WDR70: variants seen among roughly 807,000 people sequenced by gnomAD.
The protein encoded by WDR70 is WD repeat domain 70, also known as WD repeat-containing protein 70.
A neutral mutation model predicts 88.6 loss-of-function variants in WDR70; 53 were observed. That is an observed-to-expected ratio of 0.60 (90% CI 0.48 to 0.75). The LOEUF (loss-of-function observed/expected upper bound fraction) is 0.75, where lower values mean the gene tolerates loss of function less well. WDR70 is among the 30% of genes least tolerant of loss of function. The pLI is 0.00. For synonymous variants in WDR70, 280 were observed against 270.0 expected, an observed-to-expected ratio of 1.04 and a Z score of -0.36; for missense variants, 610 against 823.2, an observed-to-expected ratio of 0.74 and a Z score of 3.17.
intron 9 of WDR70, among the ~76,000 whole-genome samples, chr5:37,574,101 G>A (rs1742988023): frequency 6.6e-6 from 1 of 152,166 alleles, no homozygotes; most frequent in Non-Finnish European, 1.5e-5. Flanking sequence ...GTGGAAGCAG[G>A]ATTGGGTAGG....
At chr5:37,687,369 A>T (rs1329837252) in intron 10 of WDR70, among the ~76,000 whole-genome samples, 1 of 152,180 alleles carries the variant, frequency 6.6e-6, no homozygotes. Flanking sequence ...GACAAAATGA[A>T]TTAATTTTGA....
In WDR70 at chr5:37,396,562, G is replaced by A; in HGVS notation, c.484G>A (p.Glu162Lys). Residue 162 changes from glutamate (E) to lysine (K), a missense_variant, in exon 5 of 18, where the codon GAA (glutamate) becomes AAA (lysine). Physicochemically the swap from Glu to Lys is moderately conservative, Grantham distance 56 (BLOSUM62 1). Coordinates refer to ENST00000265107, the MANE Select transcript of WDR70 (RefSeq NM_018034.4). ...EAEEEEEEEE[E>K]EENPVHKIPD... ...AGAGGAAGAAGAAGAGGAAGAGGAG[G>A]AAGAGGAAGTAAGTATTTCAGTGGT... 1.9e-6 allele frequency: 3 copies of A among 1,610,040 alleles called. No homozygotes were observed. The South Asian group carries it at 3.3e-5, about 18-fold the overall frequency.
At chr5:37,465,504 T>C (rs1417368220) in intron 7 of WDR70, among the ~76,000 whole-genome samples, 1 of 152,200 alleles carries the variant, frequency 6.6e-6, no homozygotes, top group Non-Finnish European at 1.5e-5. Flanking sequence ...AGTTTCTAGC[T>C]AGTAGTAGCT....
chr5:37,623,819 G>C (rs1415576427), intron 10 of WDR70, among the ~76,000 whole-genome samples: 2 of 152,064 alleles, frequency 1.3e-5, no homozygotes, highest in African/African-American at 2.4e-5. Flanking sequence ...CTGGTACTTT[G>C]TTGAAGGTCA....
chr5:37,581,012 G>A (rs751710469), intron 9 of WDR70, among the ~76,000 whole-genome samples: 9 of 152,172 alleles, frequency 5.9e-5, no homozygotes, highest in African/African-American at 1.2e-4. Context: ...CTTGCTGCTC[G>A]TGAGAAGTTA....
At chr5:37,495,296 G>A (rs755662207) in intron 8 of WDR70, among the ~76,000 whole-genome samples, 4 of 152,080 alleles carry the variant, frequency 2.6e-5, no homozygotes, top group African/African-American at 9.7e-5. Context: ...CTTCTTGGGG[G>A]TAGGCTTTGT....
chr5:37,627,320 A>G (rs1020876298), intron 10 of WDR70, among the ~76,000 whole-genome samples: 3 of 152,116 alleles, frequency 2.0e-5, no homozygotes, highest in Non-Finnish European at 2.9e-5. Context: ...GAACGTTTCC[A>G]TAGTTCTCAA....
intron 9 of WDR70, among the ~76,000 whole-genome samples, chr5:37,544,754 G>A (rs1741934990): frequency 6.6e-6 from 1 of 152,168 alleles, no homozygotes; most frequent in Admixed American, 6.5e-5. Context: ...TTTAAAACTA[G>A]CCTTGGATTC....
intron 9 of WDR70, among the ~76,000 whole-genome samples, chr5:37,574,651 G>A (rs1299382834): frequency 6.6e-6 from 1 of 152,118 alleles, no homozygotes; most frequent in East Asian, 1.9e-4. Context: ...TAGCCTGCTG[G>A]TTAACTACTC....
intron 10 of WDR70, among the ~76,000 whole-genome samples, chr5:37,646,854 A>T (rs1745254257): frequency 1.3e-5 from 2 of 151,946 alleles, no homozygotes; most frequent in South Asian, 4.1e-4. Flanking sequence ...TTTAGGTTAA[A>T]TCTGCTTGTT....
chr5:37,521,731 CA>C (rs1741097963), intron 9 of WDR70, among the ~76,000 whole-genome samples: 6 of 152,078 alleles, frequency 3.9e-5, no homozygotes, highest in East Asian at 1.9e-4. Context: ...CACACACACA[CA>C]CACACACACC....
chr5:37,406,737 A>G (rs757978754), intron 5 of WDR70, among the ~76,000 whole-genome samples: 22 of 148,500 alleles, frequency 1.5e-4, no homozygotes, highest in Non-Finnish European at 4.4e-5. Flanking sequence ...TTAACAGGAT[A>G]TCTAATAAAA....
intron 9 of WDR70, among the ~76,000 whole-genome samples, chr5:37,601,495 A>G (rs923076443): frequency 3.9e-5 from 6 of 152,122 alleles, no homozygotes; most frequent in African/African-American, 1.4e-4. Flanking sequence ...TTTTTATAGT[A>G]TCCTTGTCTG....
intron 8 of WDR70, among the ~76,000 whole-genome samples, chr5:37,499,321 C>G (rs1166688165): frequency 6.6e-6 from 1 of 151,804 alleles, no homozygotes; most frequent in Non-Finnish European, 1.5e-5. Flanking sequence ...ACCATGTTGG[C>G]CAGGCTGGTC....
intron 10 of WDR70, among the ~76,000 whole-genome samples, chr5:37,608,838 C>T (rs530965130): frequency 1.3e-5 from 2 of 152,148 alleles, no homozygotes; most frequent in South Asian, 2.1e-4. Flanking sequence ...GTATGACAGG[C>T]GTGAGCCACT....
chr5:37,542,561 G>A (rs954118936), intron 9 of WDR70, among the ~76,000 whole-genome samples: 2 of 152,094 alleles, frequency 1.3e-5, no homozygotes, highest in Admixed American at 1.3e-4. Context: ...GATTCCAGGT[G>A]TGAGCCAATG....
At chr5:37,648,594 T>G (rs546770362) in intron 10 of WDR70, among the ~76,000 whole-genome samples, 1 of 152,100 alleles carries the variant, frequency 6.6e-6, no homozygotes, top group Non-Finnish European at 1.5e-5. Context: ...ACATGGTTTT[T>G]ACCAATCTTG....
intron 17 of WDR70, among the ~76,000 whole-genome samples, chr5:37,727,419 T>C (rs1748005916): frequency 6.6e-6 from 1 of 152,162 alleles, no homozygotes; most frequent in Non-Finnish European, 1.5e-5. Context: ...CTTTTATTTA[T>C]AGAGCTGTAT....
intron 9 of WDR70, among the ~76,000 whole-genome samples, chr5:37,591,846 T>G (rs1743539481): frequency 6.6e-6 from 1 of 152,188 alleles, no homozygotes; most frequent in Non-Finnish European, 1.5e-5. Context: ...AAGTCATATT[T>G]AAACCAAGAG....
Sources: allele counts gnomAD v4.1 joint callset (sites outside exome capture counted in the v4.1 genomes callset), GRCh38; gene constraint gnomAD v4.1.1; transcripts MANE v1.5; gene names NCBI Gene and HGNC (gene_info 2026-07-23, HGNC 2026-07-21).